PRDM6: variants seen among roughly 807,000 people sequenced by gnomAD.
PRDM6 encodes the protein PR/SET domain 6.
PRDM6 carries 25 observed loss-of-function variants against 60.8 expected under a neutral mutation model. The ratio of observed to expected loss-of-function variants is 0.41; its 90% CI spans 0.30 to 0.57. The LOEUF is 0.57. Among genes scored for constraint, PRDM6 ranks in the 20% least tolerant of loss-of-function variants. PRDM6 has a pLI of 0.27. For missense variants in PRDM6, 839 were observed against 821.3 expected (o/e 1.02, Z -0.26); for synonymous variants, 407 against 357.4 (o/e 1.14, Z -1.57).
intron 3 of PRDM6, among the ~76,000 whole-genome samples, chr5:123,106,809 G>C (rs563239341): frequency 1.3e-5 from 2 of 152,320 alleles, no homozygotes; most frequent in South Asian, 2.1e-4. Flanking sequence ...TTAAAATGCT[G>C]TATGCAAGGA....
At chr5:123,173,083 T>C (rs886192300) in intron 6 of PRDM6, among the ~76,000 whole-genome samples, 8 of 151,438 alleles carry the variant, frequency 5.3e-5, no homozygotes, top group Non-Finnish European at 1.2e-4. Flanking sequence ...CCCAGCTACT[T>C]GGGACGCTGA....
At chr5:123,176,233 T>C (rs1580540086) in intron 6 of PRDM6, among the ~76,000 whole-genome samples, 1 of 139,808 alleles carries the variant, frequency 7.2e-6, no homozygotes. Flanking sequence ...ACAGAACAGC[T>C]CCGTCATTAG....
chr5:123,089,934 G>C lies in PRDM6; in HGVS notation c.-15-66G>C, dbSNP rs535081962. ...CTCGGGCACTTTCTCCAGGGTCCCA[G>C]TGGCCCTCTTCCCGGCCCCTTTCGC... On this transcript the variant is annotated intron_variant, in intron 1 of 7. Transcript: ENST00000407847. 1.1e-5 allele frequency: 13 copies of C among 1,231,172 alleles called. No homozygotes were observed. In the South Asian group the frequency reaches 1.8e-4, roughly 17 times the overall value. 76.3% of individuals were successfully genotyped at this position (1,231,172 alleles called of 1,614,324 possible). A position where few individuals can be genotyped will look rare whatever the true frequency, so the allele number is the denominator to read the frequency against.
At chr5:123,089,972 C>A (rs566020997) in intron 1 of PRDM6, 28 bp from the exon 2 acceptor site, 1 of 1,487,782 alleles carries the variant, frequency 6.7e-7, no homozygotes, top group South Asian at 1.2e-5. Flanking sequence ...AGCTCACGCG[C>A]CCCCTCTTCC....
At chr5:123,160,562 T>G (rs1007669393) in intron 5 of PRDM6, among the ~76,000 whole-genome samples, 7 of 149,070 alleles carry the variant, frequency 4.7e-5, no homozygotes, top group Non-Finnish European at 7.4e-5. Context: ...TAAAATTTTC[T>G]TCTCCACTTT....
At chr5:123,130,303 G>A (rs147200683) in intron 3 of PRDM6, among the ~76,000 whole-genome samples, 2,554 of 23,488 alleles carry the variant, frequency 0.11, 66 homozygotes, top group Middle Eastern at 0.2. Context: ...CTCCCCTCCC[G>A]TCCCCTTCCC....
In PRDM6 at chr5:123,192,430, G is replaced by A. The variant is rs932041442; in HGVS notation, c.*5229G>A. 3.3e-5 allele frequency: 5 copies of A among 152,040 alleles called. No individual in the cohort carries two copies. Among genetic ancestry groups the A allele is most frequent in the Non-Finnish European group, 7.3e-5 (5 of 68,028 alleles). 9.4% of individuals were successfully genotyped at this position (152,040 alleles called of 1,614,324 possible). A position where few individuals can be genotyped will look rare whatever the true frequency, so the allele number is the denominator to read the frequency against. Reference sequence around the variant, plus strand: ...AGCTTTTAAAAATTAATAAACACAAGTATAATTTATTTATAAAATGTGTTT... The same window carrying A: ...AGCTTTTAAAAATTAATAAACACAAATATAATTTATTTATAAAATGTGTTT... On this transcript the variant is annotated 3_prime_UTR_variant, in exon 8 of 8. Transcript: ENST00000407847.
intron 3 of PRDM6, among the ~76,000 whole-genome samples, chr5:123,104,363 A>C (rs531188185): frequency 2.0e-5 from 3 of 152,230 alleles, no homozygotes; most frequent in African/African-American, 7.2e-5. Flanking sequence ...ACCCACTTAT[A>C]TGTATTTAGA....
At chr5:123,136,034 G>A (rs1475145630) in intron 3 of PRDM6, among the ~76,000 whole-genome samples, 2 of 152,104 alleles carry the variant, frequency 1.3e-5, no homozygotes, top group Non-Finnish European at 2.9e-5. Context: ...AAGATCTTAC[G>A]GTAGAAATGA....
chr5:123,143,148 AGTGT>A (rs139092433), intron 3 of PRDM6, among the ~76,000 whole-genome samples: 23,714 of 145,856 alleles, frequency 0.16, 2,116 homozygotes, highest in East Asian at 0.42. Flanking sequence ...TAGTTTTTAA[AGTGT>A]GTGTGTGTGT....
At chr5:123,111,236 T>G (rs991021891) in intron 3 of PRDM6, among the ~76,000 whole-genome samples, 1 of 152,196 alleles carries the variant, frequency 6.6e-6, no homozygotes, top group Non-Finnish European at 1.5e-5. Flanking sequence ...AATCTATGTT[T>G]TCAATGACTT....
Position 123,090,227 on chromosome 5 carries a change from G to A in PRDM6, c.213G>A (p.Pro71=), listed in dbSNP as rs775181726. Residue 71 remains proline (P), a synonymous_variant, in exon 2 of 8, where the codon CCG becomes CCA. Coordinates refer to ENST00000407847, the MANE Select transcript of PRDM6 (RefSeq NM_001136239.4). ...AGCCTCCGCCGGACAGCCTGCGCCC[G>A]CGGCCCGCCTCTCTCTCCTCCGCCT... ...RAEPPPDSLR[P]RPASLSSASS... is the part of the protein sequence containing the mutation. 1.4e-6 allele frequency: 2 copies of A among 1,473,172 alleles called. No homozygotes were observed. Among genetic ancestry groups the A allele is most frequent in the Middle Eastern group, 2.4e-4 (1 of 4,200 alleles). 91.3% of individuals were successfully genotyped at this position (1,473,172 alleles called of 1,614,324 possible).
intron 4 of PRDM6, among the ~76,000 whole-genome samples, chr5:123,156,616 A>G (rs1337089864): frequency 6.6e-6 from 1 of 152,226 alleles, no homozygotes; most frequent in Non-Finnish European, 1.5e-5. Flanking sequence ...CCGGGCATAG[A>G]GAAGCCCCTG....
At position 123,162,364 on chromosome 5, in the gene PRDM6, G is replaced by A. The variant is rs369682481; in HGVS notation, c.1153+2726G>A. 5.8e-4 allele frequency among the ~76,000 whole-genome samples: 89 copies of A among 152,254 alleles called. 1 individual carries two copies. The highest frequency in any genetic ancestry group is 2.0e-3 in the African/African-American group (83 of 41,536). The stretch of plus-strand genomic sequence containing the variant: ...ACTGGCCTTCAGATTTGGTGCCACC[G>A]TGCCAAAAATGTACTTTCTGGAAAA... On this transcript the variant is annotated intron_variant, in intron 5 of 7. Coordinates refer to ENST00000407847, the MANE Select transcript of PRDM6 (RefSeq NM_001136239.4).
chr5:123,131,582 G>A (rs1764835583), intron 3 of PRDM6, among the ~76,000 whole-genome samples: 1 of 152,178 alleles, frequency 6.6e-6, no homozygotes, highest in African/African-American at 2.4e-5. Context: ...TCTTCCTTTT[G>A]AGGGTGGTGT....
chr5:123,165,540 C>T (rs1235450719), intron 5 of PRDM6, among the ~76,000 whole-genome samples: 3 of 152,186 alleles, frequency 2.0e-5, no homozygotes, highest in Admixed American at 1.3e-4. Flanking sequence ...GTTTCAACCA[C>T]TTGCTTATTT....
intron 3 of PRDM6, among the ~76,000 whole-genome samples, chr5:123,114,373 G>T (rs1764384597): frequency 1.3e-5 from 2 of 152,188 alleles, no homozygotes; most frequent in South Asian, 4.2e-4. Flanking sequence ...TCTTATTCTG[G>T]TCAACCCATC....
intron 3 of PRDM6, among the ~76,000 whole-genome samples, chr5:123,123,994 A>T (rs111386793): frequency 2.9e-4 from 44 of 152,288 alleles, no homozygotes; most frequent in African/African-American, 9.4e-4. Context: ...TCCTTAAACG[A>T]TACTCATTAG....
At chr5:123,140,504 C>G (rs1248604404) in intron 3 of PRDM6, among the ~76,000 whole-genome samples, 10 of 152,050 alleles carry the variant, frequency 6.6e-5, no homozygotes, top group African/African-American at 2.4e-4. Flanking sequence ...ATTTATGCAG[C>G]TTCTCAGCAG....
Sources: allele counts gnomAD v4.1 joint callset (sites outside exome capture counted in the v4.1 genomes callset), GRCh38; gene constraint gnomAD v4.1.1; transcripts MANE v1.5; gene names NCBI Gene and HGNC (gene_info 2026-07-23, HGNC 2026-07-21).